SPOCK1: variants seen among roughly 807,000 people sequenced by gnomAD.
The protein encoded by SPOCK1 is testican-1.
Under a neutral mutation model 55.3 loss-of-function variants are expected in SPOCK1, and 23 were observed. The ratio of observed to expected loss-of-function variants is 0.42; its 90% confidence interval spans 0.30 to 0.59. The LOEUF (loss-of-function observed/expected upper bound fraction) is 0.59. SPOCK1 is among the 20% of genes least tolerant of loss of function. The probability of loss-of-function intolerance (pLI) is 0.22; values close to 1 mark genes in which losing one functional copy is unlikely to be tolerated. For missense variants in SPOCK1, 499 were observed against 552.5 expected (o/e 0.90, Z 0.97); for synonymous variants, 226 against 221.0 (o/e 1.02, Z -0.20).
At chr5:137,281,577 C>T (rs1463764953) in intron 2 of SPOCK1, among the ~76,000 whole-genome samples, 1 of 152,238 alleles carries the variant, frequency 6.6e-6, no homozygotes, top group Non-Finnish European at 1.5e-5. Context: ...ACACATAGCC[C>T]ATGGCCCATG....
At chr5:137,489,504 A>C (rs1440754249) in intron 2 of SPOCK1, among the ~76,000 whole-genome samples, 1 of 152,178 alleles carries the variant, frequency 6.6e-6, no homozygotes, top group Non-Finnish European at 1.5e-5. Flanking sequence ...ACACCAGAGG[A>C]GTAGGAAGGA....
At chr5:137,245,415 A>C (rs1284606490) in intron 3 of SPOCK1, among the ~76,000 whole-genome samples, 1 of 152,240 alleles carries the variant, frequency 6.6e-6, no homozygotes, top group East Asian at 1.9e-4. Flanking sequence ...TTTATAAGAA[A>C]TAATTATACC....
chr5:137,142,097 C>A (rs1393333469), intron 3 of SPOCK1, among the ~76,000 whole-genome samples: 2 of 152,214 alleles, frequency 1.3e-5, no homozygotes, highest in Non-Finnish European at 2.9e-5. Context: ...TAACTGCTCT[C>A]CACAGTCAGG....
At position 137,263,400 on chromosome 5, in the gene SPOCK1, G is replaced by A. The variant is rs141459266; in HGVS notation, c.232+3610C>T. ...GCACTAACCTCATATGCGCTCCTGA[G>A]TTTGTCAGGCGCCAGTTAAGGGAAG... On this transcript the variant is annotated intron_variant, in intron 3 of 10. Coordinates refer to ENST00000394945, the MANE Select transcript of SPOCK1 (RefSeq NM_004598.4). Among the ~76,000 whole-genome samples the A allele has an allele frequency of 4.7e-4, 72 of 152,266 alleles. No individual in the cohort carries two copies. In the East Asian group the frequency reaches 0.011, roughly 23 times the overall value.
At position 137,025,584 on chromosome 5, in the gene SPOCK1, C is replaced by T. The variant is rs912117973; in HGVS notation, c.590-32984G>A. 3.3e-5 allele frequency among the ~76,000 whole-genome samples: 5 copies of T among 152,272 alleles called. No homozygotes were observed. The South Asian group carries it at 1.0e-3, about 32-fold the overall frequency. The stretch of plus-strand genomic sequence containing the variant: ...AAAGAAGCAGCTGGGTGTAGTGGCT[C>T]ATGCCTGTAGTCCTAGGTACCGGGG... On this transcript the variant is annotated intron_variant, in intron 6 of 10. Transcript: ENST00000394945.
At chr5:137,380,437 G>A (rs886307171) in intron 2 of SPOCK1, among the ~76,000 whole-genome samples, 2 of 152,188 alleles carry the variant, frequency 1.3e-5, no homozygotes, top group East Asian at 1.9e-4. Flanking sequence ...CTTAGGAAGA[G>A]GAATGCTGTA....
At chr5:137,092,716 G>A (rs930423079) in intron 5 of SPOCK1, among the ~76,000 whole-genome samples, 27 of 152,216 alleles carry the variant, frequency 1.8e-4, no homozygotes, top group African/African-American at 6.0e-4. Flanking sequence ...AAGATCAATC[G>A]ATGAATGGAT....
intron 6 of SPOCK1, among the ~76,000 whole-genome samples, chr5:137,000,271 G>GT (rs1318683305): frequency 1.3e-5 from 2 of 152,164 alleles, no homozygotes; most frequent in East Asian, 3.9e-4. Flanking sequence ...TGCTCAGAGT[G>GT]TTTGCAATTA....
intron 6 of SPOCK1, among the ~76,000 whole-genome samples, chr5:137,059,108 GC>G: frequency 1.1e-5 from 1 of 91,472 alleles, no homozygotes; most frequent in Non-Finnish European, 2.6e-5. Context: ...CAATTAGGAA[GC>G]TATTATAATA....
At chr5:137,131,971 C>CAAAAAAAAAA (rs1156253291) in intron 4 of SPOCK1, among the ~76,000 whole-genome samples, 4 of 12,728 alleles carry the variant, frequency 3.1e-4, no homozygotes, top group East Asian at 1.6e-3. Context: ...GACTCCGTCT[C>CAAAAAAAAAA]AAAAAAAAAA....
intron 3 of SPOCK1, among the ~76,000 whole-genome samples, chr5:137,148,176 G>A (rs1754241733): frequency 1.3e-5 from 2 of 152,168 alleles, no homozygotes; most frequent in Admixed American, 1.3e-4. Context: ...CAGAGCAGGT[G>A]TCCAGCCCTG....
At chr5:137,258,908 C>T (rs1306091767) in intron 3 of SPOCK1, among the ~76,000 whole-genome samples, 1 of 152,154 alleles carries the variant, frequency 6.6e-6, no homozygotes, top group Admixed American at 6.5e-5. Flanking sequence ...TCTAGGGGCA[C>T]AGAGTCCTGA....
intron 4 of SPOCK1, among the ~76,000 whole-genome samples, chr5:137,138,214 C>A (rs1754025500): frequency 6.6e-6 from 1 of 152,174 alleles, no homozygotes; most frequent in South Asian, 2.1e-4. Flanking sequence ...CTTCCCAAAT[C>A]CATGCTCTCA....
Position 136,979,337 on chromosome 5 carries a change from C to T in SPOCK1, c.1124G>A (p.Ser375Asn). 4 of 1,614,084 alleles carry T rather than the reference C, an allele frequency of 2.5e-6. No individual in the cohort carries two copies. The highest frequency in any genetic ancestry group is 3.4e-6 in the Non-Finnish European group (4 of 1,179,958). Reference protein sequence around the residue: ...LAGSRKQGAVSCEEEQETSGD... With the variant: ...LAGSRKQGAVNCEEEQETSGD... Reference sequence around the variant, plus strand: ...ATGCAGGAGGCCTTACTCACCACAGCTCACAGCACCCTGTTTCCTGGAGCC... The same window carrying T: ...ATGCAGGAGGCCTTACTCACCACAGTTCACAGCACCCTGTTTCCTGGAGCC... Residue 375 changes from serine (S) to asparagine (N), a missense_variant, in exon 10 of 11, where the codon AGC (serine) becomes AAC (asparagine). This residue lies in a region of SPOCK1 where 83 missense variants were observed against 87.5 expected (regional missense o/e 0.95). Coordinates refer to ENST00000394945, the MANE Select transcript of SPOCK1 (RefSeq NM_004598.4).
chr5:137,051,318 A>G (rs1465784101), intron 6 of SPOCK1, among the ~76,000 whole-genome samples: 1 of 152,222 alleles, frequency 6.6e-6, no homozygotes, highest in Non-Finnish European at 1.5e-5. Flanking sequence ...ATGATAGCAG[A>G]GAAAAGAAAA....
intron 2 of SPOCK1, among the ~76,000 whole-genome samples, chr5:137,285,601 T>C (rs1489086458): frequency 6.6e-6 from 1 of 152,204 alleles, no homozygotes; most frequent in East Asian, 1.9e-4. Context: ...ACACCTGTGG[T>C]AACTATTAGC....
chr5:137,068,057 C>T (rs1233860087), intron 5 of SPOCK1, among the ~76,000 whole-genome samples: 1 of 152,188 alleles, frequency 6.6e-6, no homozygotes, highest in Non-Finnish European at 1.5e-5. Context: ...CCCTAGAAGA[C>T]TTCCTTTAAT....
chr5:137,396,287 C>G (rs1751845754), intron 2 of SPOCK1, among the ~76,000 whole-genome samples: 1 of 152,156 alleles, frequency 6.6e-6, no homozygotes, highest in Admixed American at 6.5e-5. Flanking sequence ...TGACAAGTAG[C>G]TCAAAGGCAT....
chr5:137,443,786 T>C (rs1031196978), intron 2 of SPOCK1, among the ~76,000 whole-genome samples: 22 of 152,182 alleles, frequency 1.4e-4, no homozygotes, highest in African/African-American at 5.3e-4. Flanking sequence ...GCTCAGGCCT[T>C]TCTCTCTAAG....
Sources: gnomAD v4.1 joint callset for allele counts (sites outside exome capture counted in the v4.1 genomes callset) on GRCh38, gnomAD v4.1.1 for gene constraint, gnomAD v4.1.1 regional missense constraint, MANE v1.5 for transcripts, NCBI Gene and HGNC (gene_info 2026-07-23, HGNC 2026-07-21) for gene names.